SYTL3: variants seen among roughly 807,000 people sequenced by gnomAD.
The protein encoded by SYTL3 is synaptotagmin like 3, also known as synaptotagmin-like protein 3.
Under a neutral mutation model 82.1 loss-of-function variants are expected in SYTL3, and 88 were observed. That is an observed-to-expected ratio of 1.07 (90% CI 0.90 to 1.28). SYTL3 has a LOEUF of 1.28. Ranked by LOEUF, SYTL3 falls within the 50% of genes most tolerant of loss-of-function variation. The pLI, the probability that SYTL3 is intolerant of heterozygous loss-of-function variation, is 0.00. For missense variants in SYTL3, 831 were observed against 757.6 expected (o/e 1.10, Z -1.14); for synonymous variants, 311 against 289.4 (o/e 1.07, Z -0.76).
In SYTL3 at chr6:158,764,493, A is replaced by G. The variant is rs773689702; in HGVS notation, c.1724-2A>G. 1.2e-6 allele frequency: 2 copies of G among 1,611,764 alleles called. No homozygotes were observed. The highest frequency in any genetic ancestry group is 2.2e-5 in the East Asian group (1 of 44,878). ...TGGCTAAATTGTCTTCCTCTCTTAC[A>G]GAGGGAGACACAGCTGTTGGCGGGG... On this transcript the variant is annotated splice_acceptor_variant, in intron 17 of 17. Coordinates refer to ENST00000611299, the MANE Select transcript of SYTL3 (RefSeq NM_001242394.2). LOFTEE classifies it high-confidence loss of function.
intron 8 of SYTL3, among the ~76,000 whole-genome samples, chr6:158,711,727 G>T (rs944817689): frequency 6.6e-6 from 1 of 152,192 alleles, no homozygotes; most frequent in Non-Finnish European, 1.5e-5. Context: ...TCAATGATAT[G>T]CTCAACAAGG....
intron 13 of SYTL3, 38 bp from the exon 14 acceptor site, chr6:158,757,173 C>T (rs763166771): frequency 1.3e-5 from 20 of 1,586,714 alleles, no homozygotes; most frequent in Middle Eastern, 2.3e-4. Flanking sequence ...GTGCGGGCCC[C>T]GGGAGCCCAG....
At chr6:158,695,279 A>G (rs1330838999) in intron 6 of SYTL3, among the ~76,000 whole-genome samples, 1 of 152,222 alleles carries the variant, frequency 6.6e-6, no homozygotes, top group East Asian at 1.9e-4. Flanking sequence ...TTTCATGCCC[A>G]TCATTATTTT....
At chr6:158,656,263 C>T (rs1375476669) in intron 2 of SYTL3, among the ~76,000 whole-genome samples, 1 of 152,116 alleles carries the variant, frequency 6.6e-6, no homozygotes. Context: ...AGGCAGGTGT[C>T]CTGTCCTTTC....
At chr6:158,720,853 A>G (rs1784024777) in intron 10 of SYTL3, among the ~76,000 whole-genome samples, 1 of 152,194 alleles carries the variant, frequency 6.6e-6, no homozygotes, top group East Asian at 1.9e-4. Context: ...TCCACGCCCC[A>G]GAGGTGAGAC....
At chr6:158,669,686 A>G (rs1329383368) in intron 5 of SYTL3, among the ~76,000 whole-genome samples, 2 of 152,146 alleles carry the variant, frequency 1.3e-5, no homozygotes, top group East Asian at 3.9e-4. Flanking sequence ...ATTGATCCAG[A>G]CCTTGGCATT....
intron 17 of SYTL3, 46 bp from the exon 18 acceptor site, chr6:158,764,449 G>T (rs751546829): frequency 2.9e-6 from 4 of 1,396,356 alleles, no homozygotes; most frequent in Non-Finnish European, 3.0e-6. Flanking sequence ...AGGGGATGAA[G>T]TGGTGCCCTC....
rs536382013 is a variant in SYTL3, at chr6:158,694,783, C to T, written c.394+11794C>T. 5.1e-4 allele frequency among the ~76,000 whole-genome samples: 78 copies of T among 152,260 alleles called. 1 individual carries two copies. In the South Asian group the frequency reaches 0.015, roughly 29 times the overall value. On this transcript the variant is annotated intron_variant, in intron 6 of 17. Coordinates refer to ENST00000611299, the MANE Select transcript of SYTL3 (RefSeq NM_001242394.2). ...GCTTTCTGAGCGCCTGCGTTCCTTC[C>T]AGGCCTGCTTCTTTGTCTGTATGTC... is the stretch of plus-strand genomic sequence containing the variant.
At chr6:158,737,563 T>G (rs956098779) in intron 11 of SYTL3, among the ~76,000 whole-genome samples, 1 of 152,216 alleles carries the variant, frequency 6.6e-6, no homozygotes, top group Admixed American at 6.5e-5. Context: ...CCAGATTGAC[T>G]TTCTTTCAAA....
rs200754195 is a variant in SYTL3, at chr6:158,722,318, T to C, written c.721-3185T>C. On this transcript the variant is annotated intron_variant, in intron 10 of 17. Coordinates refer to ENST00000611299, the MANE Select transcript of SYTL3 (RefSeq NM_001242394.2). Reference sequence around the variant, plus strand: ...CTGGGACTACAGGAGTACACCACTCTGCCCAGCTAATTTTTGTATTTTTTC... The same window carrying C: ...CTGGGACTACAGGAGTACACCACTCCGCCCAGCTAATTTTTGTATTTTTTC... 7.9e-5 allele frequency among the ~76,000 whole-genome samples: 12 copies of C among 152,154 alleles called. No individual in the cohort carries two copies. The East Asian group carries it at 2.1e-3, about 27-fold the overall frequency.
At position 158,713,931 on chromosome 6, in the gene SYTL3, C is replaced by T. The variant is rs935495721; in HGVS notation, c.595+53C>T. 2.2e-6 allele frequency: 3 copies of T among 1,366,850 alleles called. No homozygotes were observed. The Admixed American group carries it at 5.9e-5, about 27-fold the overall frequency. 84.7% of individuals were successfully genotyped at this position (1,366,850 alleles called of 1,614,324 possible). On this transcript the variant is annotated intron_variant, in intron 9 of 17. Transcript: ENST00000611299. The stretch of plus-strand genomic sequence containing the variant: ...CCCACTACCTTCCAGGCCAGCCGAG[C>T]CCACTGGCCAGGGCCTGGCCGGTGA...
At chr6:158,714,401 A>G (rs1302414633) in intron 9 of SYTL3, among the ~76,000 whole-genome samples, 1 of 152,122 alleles carries the variant, frequency 6.6e-6, no homozygotes, top group East Asian at 1.9e-4. Context: ...GGAATCTAAA[A>G]CCAGAACCTT....
chr6:158,667,621 C>T lies in SYTL3; in HGVS notation c.329+2008C>T, dbSNP rs115621957. The stretch of plus-strand genomic sequence containing the variant: ...GGGACCTAGAAAAGGTTTTTGACCC[C>T]GATCATTGTCTCCCCTGCTTCTTCC... On this transcript the variant is annotated intron_variant, in intron 5 of 17. Transcript: ENST00000611299. 3.7e-3 allele frequency among the ~76,000 whole-genome samples: 569 copies of T among 152,292 alleles called. 2 individuals carry two copies. The highest frequency in any genetic ancestry group is 0.013 in the African/African-American group (529 of 41,572).
intron 10 of SYTL3, among the ~76,000 whole-genome samples, chr6:158,721,027 G>A (rs1422876591): frequency 6.6e-6 from 1 of 152,236 alleles, no homozygotes; most frequent in African/African-American, 2.4e-5. Context: ...TGTCTGAAGG[G>A]CTAAGGGAGC....
intron 15 of SYTL3, among the ~76,000 whole-genome samples, chr6:158,761,133 G>A (rs902588312): frequency 1.3e-5 from 2 of 151,966 alleles, no homozygotes; most frequent in Non-Finnish European, 2.9e-5. Flanking sequence ...ATAAATCCCC[G>A]CCCCCAGGCA....
At chr6:158,715,838 T>C (rs1243120059) in intron 9 of SYTL3, among the ~76,000 whole-genome samples, 1 of 152,096 alleles carries the variant, frequency 6.6e-6, no homozygotes, top group Non-Finnish European at 1.5e-5. Flanking sequence ...CTGACTCCTA[T>C]TTCTTTGGAT....
intron 1 of SYTL3, among the ~76,000 whole-genome samples, chr6:158,650,777 T>TA (rs11464035): frequency 0.3 from 41,456 of 138,182 alleles, 6,419 homozygotes; most frequent in East Asian, 0.67. Context: ...ACCCCATCTC[T>TA]AAAAAAAAAA....
intron 5 of SYTL3, among the ~76,000 whole-genome samples, chr6:158,677,343 T>A (rs1778158020): frequency 6.6e-6 from 1 of 151,666 alleles, no homozygotes; most frequent in South Asian, 2.1e-4. Flanking sequence ...CACTCATAGG[T>A]GGGAATTGAA....
intron 11 of SYTL3, among the ~76,000 whole-genome samples, chr6:158,737,584 G>GC (rs1786351123): frequency 1.3e-5 from 2 of 152,276 alleles, no homozygotes; most frequent in East Asian, 3.9e-4. Flanking sequence ...CCCAGACTGT[G>GC]CCAATGGCTT....
Sources: gnomAD v4.1 joint callset for allele counts (sites outside exome capture counted in the v4.1 genomes callset) on GRCh38, gnomAD v4.1.1 for gene constraint, MANE v1.5 for transcripts, NCBI Gene and HGNC (gene_info 2026-07-23, HGNC 2026-07-21) for gene names.